Variants in PRKAG2 observed in about 807,000 individuals in gnomAD.
PRKAG2 encodes protein kinase AMP-activated non-catalytic subunit gamma 2.
Under a neutral mutation model 69.6 loss-of-function variants are expected in PRKAG2, and 26 were observed. That is an observed-to-expected ratio of 0.37 (90% confidence interval 0.27 to 0.52). The LOEUF (loss-of-function observed/expected upper bound fraction) is 0.52. PRKAG2 is among the 20% of genes least tolerant of loss of function. The probability of loss-of-function intolerance (pLI) is 0.90; values close to 1 mark genes in which losing one functional copy is unlikely to be tolerated. For synonymous variants in PRKAG2, 293 were observed against 285.0 expected (o/e 1.03, Z -0.28); for missense variants, 557 against 740.0 (o/e 0.75, Z 2.87).
intron 6 of PRKAG2, among the ~76,000 whole-genome samples, chr7:151,588,020 A>T (rs943324220): frequency 4.5e-4 from 63 of 139,748 alleles, no homozygotes; most frequent in Admixed American, 1.7e-3. Flanking sequence ...AACACTTGTT[A>T]AAAAAAAAAG....
chr7:151,824,345 C>T (rs983222923), intron 1 of PRKAG2, among the ~76,000 whole-genome samples: 1 of 152,180 alleles, frequency 6.6e-6, no homozygotes, highest in Non-Finnish European at 1.5e-5. Flanking sequence ...CTTCCACATT[C>T]TAAGAAGATA....
chr7:151,810,801 A>G (rs1251266998), intron 1 of PRKAG2: 1 of 153,724 alleles, frequency 6.5e-6, no homozygotes, highest in African/African-American at 2.4e-5. Context: ...CCACAAAATA[A>G]AATCAAAACA....
chr7:151,806,867 G>A (rs1000702167), intron 1 of PRKAG2: 3 of 411,670 alleles, frequency 7.3e-6, no homozygotes, highest in African/African-American at 4.2e-5. Flanking sequence ...TCAGGAGGCT[G>A]AGCCACGAGA....
rs1004371694 is a variant in PRKAG2, at chr7:151,781,572, C to A, written c.187-141G>T. On this transcript the variant is annotated intron_variant, in intron 2 of 15. Coordinates refer to ENST00000287878, the MANE Select transcript of PRKAG2 (RefSeq NM_016203.4). The surrounding 1 kb of genome is among the most constrained non-coding windows in gnomAD (Gnocchi z 6.1). ...CCCAGAGAAACAGCCCTAAGCTCTTCCACAGAGGTAGCCACTGAATGGTCT... is the reference window on the plus strand; with the variant it reads ...CCCAGAGAAACAGCCCTAAGCTCTTACACAGAGGTAGCCACTGAATGGTCT... 7.3e-6 allele frequency: 8 copies of A among 1,100,356 alleles called. No homozygotes were observed. Among genetic ancestry groups the A allele is most frequent in the Non-Finnish European group, 1.0e-5 (8 of 765,082 alleles). The allele number at this position is 1,100,356 out of a possible 1,614,324, so 68.2% of individuals were successfully genotyped here. A position where few individuals can be genotyped will look rare whatever the true frequency, so the allele number is the denominator to read the frequency against.
At chr7:151,809,207 G>T (rs2078288202) in intron 1 of PRKAG2, 1 of 456,470 alleles carries the variant, frequency 2.2e-6, no homozygotes, top group Non-Finnish European at 4.4e-6. Context: ...CAAGAGGGGT[G>T]AGTGGGCTTC....
intron 3 of PRKAG2, among the ~76,000 whole-genome samples, chr7:151,741,399 C>T (rs967545729): frequency 3.3e-5 from 5 of 152,094 alleles, no homozygotes; most frequent in Admixed American, 1.3e-4. Context: ...ATTTCAAGGC[C>T]GGGCGCAGTG....
At chr7:151,616,966 C>T (rs1402556742) in intron 5 of PRKAG2, among the ~76,000 whole-genome samples, 2 of 151,968 alleles carry the variant, frequency 1.3e-5, no homozygotes, top group Non-Finnish European at 2.9e-5. Context: ...CCTTTAGAAA[C>T]GCACACTACT....
At chr7:151,658,084 G>A (rs186869428) in intron 4 of PRKAG2, among the ~76,000 whole-genome samples, 73 of 151,696 alleles carry the variant, frequency 4.8e-4, no homozygotes, top group Non-Finnish European at 8.7e-4. Context: ...CGTGAACCCG[G>A]GAGGCGGAGA....
At chr7:151,655,549 A>G (rs1461586106) in intron 4 of PRKAG2, among the ~76,000 whole-genome samples, 1 of 152,220 alleles carries the variant, frequency 6.6e-6, no homozygotes, top group Non-Finnish European at 1.5e-5. Context: ...TGGCTTGAGC[A>G]ATTTATTAAA....
chr7:151,559,246 T>C (rs1188582323), intron 15 of PRKAG2: 10 of 975,024 alleles, frequency 1.0e-5, no homozygotes, highest in African/African-American at 7.0e-5. Context: ...TTCAATCCTG[T>C]ATCGTATTCC....
Position 151,814,976 on chromosome 7 carries a change from G to C in PRKAG2, c.115-28435C>G, listed in dbSNP as rs578117197. 1 of 796,850 alleles carries C rather than the reference G, an allele frequency of 1.3e-6. No individual in the cohort carries two copies. The highest frequency in any genetic ancestry group is 1.7e-6 in the Non-Finnish European group (1 of 591,674). The allele number at this position is 796,850 out of a possible 1,614,324, so 49.4% of individuals were successfully genotyped here. A position where few individuals can be genotyped will look rare whatever the true frequency, so the allele number is the denominator to read the frequency against. The stretch of plus-strand genomic sequence containing the variant: ...AGGAGCAGAGGCCGATGATGCAGCA[G>C]TGGACAGCTCTGGGCTCCAGGTCCT... On this transcript the variant is annotated intron_variant, in intron 1 of 15. Coordinates refer to ENST00000287878, the MANE Select transcript of PRKAG2 (RefSeq NM_016203.4). The surrounding 1 kb of genome is among the most constrained non-coding windows in gnomAD (Gnocchi z 4.8).
chr7:151,636,287 G>A (rs1421008401), intron 4 of PRKAG2, among the ~76,000 whole-genome samples: 1 of 152,154 alleles, frequency 6.6e-6, no homozygotes, highest in Admixed American at 6.5e-5. Flanking sequence ...CAAAGAGACA[G>A]CTTGTACCCA....
intron 3 of PRKAG2, among the ~76,000 whole-genome samples, chr7:151,732,259 C>T (rs770642907): frequency 7.3e-5 from 11 of 151,594 alleles, no homozygotes; most frequent in Non-Finnish European, 1.3e-4. Context: ...CCAACTCAGC[C>T]TTCCAATTAG....
At chr7:151,809,266 C>T (rs1323849220) in intron 1 of PRKAG2, 4 of 456,606 alleles carry the variant, frequency 8.8e-6, no homozygotes, top group African/African-American at 4.0e-5. Flanking sequence ...CCTAGGCCAG[C>T]CCGGCCCCTT....
rs192958392 is a variant in PRKAG2, at chr7:151,821,752, G to T, written c.115-35211C>A. On this transcript the variant is annotated intron_variant, in intron 1 of 15. Coordinates refer to ENST00000287878, the MANE Select transcript of PRKAG2 (RefSeq NM_016203.4). The stretch of plus-strand genomic sequence containing the variant: ...TGAAACGGATGCTCTTTTTCTACAG[G>T]TTCAAATTCCAGCTTTGCTTTGCCA... Among the ~76,000 whole-genome samples, 265 of 152,268 alleles carry T rather than the reference G, an allele frequency of 1.7e-3. 2 individuals are homozygous for T. The highest frequency in any genetic ancestry group is 6.2e-3 in the African/African-American group (257 of 41,546).
At chr7:151,750,675 G>A (rs2074607131) in intron 3 of PRKAG2, among the ~76,000 whole-genome samples, 2 of 152,114 alleles carry the variant, frequency 1.3e-5, no homozygotes, top group African/African-American at 4.8e-5. Flanking sequence ...GAACTAGATT[G>A]GGGTGATGGT....
At chr7:151,599,902 G>A (rs1171664982) in intron 5 of PRKAG2, among the ~76,000 whole-genome samples, 5 of 152,136 alleles carry the variant, frequency 3.3e-5, no homozygotes, top group Admixed American at 1.3e-4. Flanking sequence ...CTCCTGCTCC[G>A]TATTTTCTCC....
intron 5 of PRKAG2, among the ~76,000 whole-genome samples, chr7:151,600,382 C>T (rs952996578): frequency 2.6e-5 from 4 of 152,228 alleles, no homozygotes; most frequent in Non-Finnish European, 4.4e-5. Context: ...AGCTCTTTGG[C>T]TGTGGAAAGG....
chr7:151,870,761 C>A (rs529877532), intron 1 of PRKAG2, among the ~76,000 whole-genome samples: 1 of 152,236 alleles, frequency 6.6e-6, no homozygotes, highest in Non-Finnish European at 1.5e-5. Flanking sequence ...TCGGAGGGTG[C>A]GTGGCCTTCT....
Sources: allele counts gnomAD v4.1 joint callset (sites outside exome capture counted in the v4.1 genomes callset), GRCh38; gene constraint gnomAD v4.1.1; non-coding constraint Gnocchi (gnomAD v3.1); transcripts MANE v1.5; gene names NCBI Gene and HGNC (gene_info 2026-07-23, HGNC 2026-07-21).